Variants in CEP83 observed in about 807,000 individuals in gnomAD.
CEP83 encodes centrosomal protein of 83 kDa.
A neutral mutation model predicts 101.9 loss-of-function variants in CEP83; 70 were observed. The ratio of observed to expected loss-of-function variants is 0.69; its 90% CI spans 0.57 to 0.84. The LOEUF (loss-of-function observed/expected upper bound fraction) is 0.84, where lower values mean the gene tolerates loss of function less well. Among genes scored for constraint, CEP83 ranks in the 40% least tolerant of loss-of-function variants. The probability of loss-of-function intolerance (pLI) is 0.00; values close to 1 mark genes in which losing one functional copy is unlikely to be tolerated. For missense variants in CEP83, 715 were observed against 787.2 expected, an observed-to-expected ratio of 0.91 and a Z score of 1.10; for synonymous variants, 264 against 267.9, an observed-to-expected ratio of 0.99 and a Z score of 0.14.
At chr12:94,337,325 G>T (rs1356213471) in intron 11 of CEP83, among the ~76,000 whole-genome samples, 2 of 152,282 alleles carry the variant, frequency 1.3e-5, no homozygotes, top group East Asian at 3.9e-4. Flanking sequence ...GTAGACTATA[G>T]AAGATGATAT....
At chr12:94,351,560 G>A (rs2060197966) in intron 11 of CEP83, among the ~76,000 whole-genome samples, 1 of 152,160 alleles carries the variant, frequency 6.6e-6, no homozygotes, top group Non-Finnish European at 1.5e-5. Context: ...TCCAGAACCT[G>A]AGCTGATATA....
Position 94,383,750 on chromosome 12 carries a change from T to C in CEP83, c.550-4708A>G, listed in dbSNP as rs540481588. On this transcript the variant is annotated intron_variant, in intron 6 of 16. Coordinates refer to ENST00000397809, the MANE Select transcript of CEP83 (RefSeq NM_016122.3). ...TTTCAGGATTCCATTTTATCTATAA[T>C]GTTTTAAATGTATCTCCTTGTATAG... Among the ~76,000 whole-genome samples the C allele has an allele frequency of 6.6e-5, 10 of 152,272 alleles. No homozygotes were observed. In the East Asian group the frequency reaches 1.2e-3, roughly 18 times the overall value.
Position 94,310,101 on chromosome 12 carries a change from A to T in CEP83, c.1818T>A (p.Asn606Lys). 1 of 1,527,852 alleles carries T rather than the reference A, an allele frequency of 6.5e-7. No individual in the cohort carries two copies. The allele number at this position is 1,527,852 out of a possible 1,614,324, so 94.6% of individuals were successfully genotyped here. The change falls in exon 16 of 17, where the codon AAT (asparagine) becomes AAA (lysine). Residue 606 changes from asparagine (N) to lysine (K), a missense_variant. Transcript: ENST00000397809. ...ETENQVLNRQ[N>K]VPFEDYTRLQ... Reference sequence around the variant, plus strand: ...GCCTTGTATAGTCTTCAAAAGGAACATTTTGTCTTAAAAAGAAAAAGAAAT... The same window carrying T: ...GCCTTGTATAGTCTTCAAAAGGAACTTTTTGTCTTAAAAAGAAAAAGAAAT...
intron 11 of CEP83, among the ~76,000 whole-genome samples, chr12:94,359,447 C>T (rs2060639259): frequency 6.6e-6 from 1 of 152,138 alleles, no homozygotes; most frequent in Admixed American, 6.5e-5. Flanking sequence ...AAAAAGCAGA[C>T]ATTACAGCTG....
At chr12:94,393,771 C>T (rs1279087476) in intron 6 of CEP83, among the ~76,000 whole-genome samples, 1 of 152,188 alleles carries the variant, frequency 6.6e-6, no homozygotes, top group Non-Finnish European at 1.5e-5. Flanking sequence ...GCAACTTCAG[C>T]AAAGTCTCAG....
chr12:94,362,685 G>A (rs2060830286), intron 11 of CEP83, among the ~76,000 whole-genome samples: 1 of 152,100 alleles, frequency 6.6e-6, no homozygotes, highest in Non-Finnish European at 1.5e-5. Flanking sequence ...TTCCACAACT[G>A]GGTATATACC....
chr12:94,364,396 G>A (rs965160908), intron 11 of CEP83, among the ~76,000 whole-genome samples: 1 of 152,062 alleles, frequency 6.6e-6, no homozygotes, highest in Admixed American at 6.6e-5. Flanking sequence ...TATAATTATA[G>A]CTAGGAAAAT....
At chr12:94,331,599 CCT>C (rs2059226399) in intron 14 of CEP83, 99 bp downstream of exon 14, 6 of 967,252 alleles carry the variant, frequency 6.2e-6, no homozygotes, top group African/African-American at 1.6e-5. Flanking sequence ...TCAATGATCT[CCT>C]GACCTCGTGA....
At chr12:94,445,617 G>T (rs2066743024) in intron 1 of CEP83, among the ~76,000 whole-genome samples, 1 of 152,112 alleles carries the variant, frequency 6.6e-6, no homozygotes, top group Non-Finnish European at 1.5e-5. Flanking sequence ...CCAGAATAAA[G>T]AACTCTCAAA....
rs2063952336 is a variant in CEP83 at position 94,412,528 on chromosome 12, TC to T, written c.-39del. The T allele has an allele frequency of 1.3e-6, 2 of 1,593,604 alleles. No homozygotes were observed. Among genetic ancestry groups the T allele is most frequent in the African/African-American group, 2.7e-5 (2 of 74,052 alleles). On this transcript the variant is annotated 5_prime_UTR_variant, in exon 3 of 17. Transcript: ENST00000397809. ...TTTGGCTTTCTTACTGTTTTAGTTT[TC>T]TTTCCAAGGGTATTTCCCACTCCTT...
At chr12:94,365,898 T>C (rs543270606) in intron 11 of CEP83, among the ~76,000 whole-genome samples, 1 of 152,116 alleles carries the variant, frequency 6.6e-6, no homozygotes, top group East Asian at 1.9e-4. Flanking sequence ...CTAATCCCTA[T>C]GAACTAATCT....
chr12:94,321,782 C>A (rs1378937056), intron 14 of CEP83, among the ~76,000 whole-genome samples: 1 of 152,132 alleles, frequency 6.6e-6, no homozygotes, highest in Non-Finnish European at 1.5e-5. Context: ...AGCTCTGTCC[C>A]AGACAGTAAC....
intron 6 of CEP83, among the ~76,000 whole-genome samples, chr12:94,384,152 A>T (rs1353139912): frequency 6.6e-6 from 1 of 151,992 alleles, no homozygotes; most frequent in Non-Finnish European, 1.5e-5. Flanking sequence ...AAGTTCCTTC[A>T]TTTTCCTTCA....
chr12:94,411,955 C>A, intron 3 of CEP83, 108 bp from the exon 4 acceptor site: 1 of 833,174 alleles, frequency 1.2e-6, no homozygotes, highest in Non-Finnish European at 1.9e-6. Context: ...CAATATCACA[C>A]ATTCCTTTAA....
Position 94,378,789 on chromosome 12 carries a change from A to C in CEP83, c.801+2T>G, listed in dbSNP as rs1593542191. On this transcript the variant is annotated splice_donor_variant, in intron 7 of 16. Transcript: ENST00000397809. LOFTEE classifies it high-confidence loss of function. ...TCTACTGGGAAGTAATTAGAATCTT[A>C]CCTCCAGGGATCTGACTGTAGCCTG... 6.2e-7 allele frequency: 1 copy of C among 1,613,608 alleles called. No homozygotes were observed. The highest frequency in any genetic ancestry group is 8.5e-7 in the Non-Finnish European group (1 of 1,179,778).
At chr12:94,351,726 T>C (rs2060204802) in intron 11 of CEP83, among the ~76,000 whole-genome samples, 1 of 152,082 alleles carries the variant, frequency 6.6e-6, no homozygotes, top group South Asian at 2.1e-4. Context: ...GCACCCCACA[T>C]ACCTGTAGGG....
At chr12:94,301,097 G>A in the CEP83 span, 2 of 1,580,782 alleles carry the variant, frequency 1.3e-6, no homozygotes, top group Non-Finnish European at 1.7e-6. Flanking sequence ...GCAGTCTTAT[G>A]AGTTTGACAT....
chr12:94,424,710 C>T, intron 2 of CEP83: 1 of 1,609,382 alleles, frequency 6.2e-7, no homozygotes, highest in South Asian at 1.1e-5. Context: ...TCCAGTACGG[C>T]CTTAGTGGAA....
intron 6 of CEP83, among the ~76,000 whole-genome samples, chr12:94,384,699 G>A (rs1047835321): frequency 6.6e-6 from 1 of 152,066 alleles, no homozygotes; most frequent in Admixed American, 6.6e-5. Context: ...GGCAACTCAG[G>A]CTTTCTTAGT....
Sources: allele counts gnomAD v4.1 joint callset (sites outside exome capture counted in the v4.1 genomes callset), GRCh38; gene constraint gnomAD v4.1.1; transcripts MANE v1.5; gene names NCBI Gene and HGNC (gene_info 2026-07-23, HGNC 2026-07-21).